Variants in GPR179 observed in about 807,000 individuals in gnomAD.
The protein encoded by GPR179 is probable G protein-coupled receptor 179.
In GPR179, 52 loss-of-function variants were observed where a neutral mutation model predicts 70.8. The observed-to-expected ratio is 0.73, with a 90% confidence interval of 0.59 to 0.93. The LOEUF is 0.93. Ranked by LOEUF, GPR179 falls within the 40% of genes least tolerant of loss-of-function variation. The probability of loss-of-function intolerance (pLI) is 0.00; values close to 1 mark genes in which losing one functional copy is unlikely to be tolerated. For synonymous variants in GPR179, 1,123 were observed against 1,169.0 expected (o/e 0.96, Z 0.80); for missense variants, 2,734 against 2,966.8 (o/e 0.92, Z 1.82).
chr17:38,335,064 G>A lies in GPR179; in HGVS notation c.1614C>T (p.His538=). ...TPSGRHFYLC[H]HDRWDYIMVV... ...CCATGATGTAGTCCCAGCGGTCGTG[G>A]TGACAGAGGTAGAAATGGCGGCCAC... Residue 538 remains histidine (H), a synonymous_variant, in exon 7 of 11, where the codon CAC becomes CAT. Transcript: ENST00000616987. 2 of 1,613,726 alleles carry A rather than the reference G, an allele frequency of 1.2e-6. No homozygotes were observed. Among genetic ancestry groups the A allele is most frequent in the Non-Finnish European group, 1.7e-6 (2 of 1,179,932 alleles).
In GPR179 at chr17:38,329,253, G is replaced by A; in HGVS notation, c.4316C>T (p.Ser1439Leu). The A allele has an allele frequency of 6.2e-7, 1 of 1,613,650 alleles. No homozygotes were observed. The highest frequency in any genetic ancestry group is 1.1e-5 in the South Asian group (1 of 91,006). Residue 1439 changes from serine to leucine, a missense_variant, in exon 11 of 11, where the codon TCA (serine) becomes TTA (leucine). By Grantham distance (145) the Ser-to-Leu change is moderately radical. Coordinates refer to ENST00000616987, the MANE Select transcript of GPR179 (RefSeq NM_001004334.4). ...PWESTDFRGP[S>L]AVSIQAPGSS... ...TCCTGGGGCCTGAATTGAGACTGCT[G>A]AGGGGCCCCGGAAATCTGTACTCTC...
Position 38,330,892 on chromosome 17 carries a change from G to A in GPR179, c.2677C>T (p.Arg893Trp), listed in dbSNP as rs757293863. Residue 893 changes from arginine (R) to tryptophan (W), a missense_variant, in exon 11 of 11, where the codon CGG becomes TGG. By Grantham distance (101) the Arg-to-Trp change is moderately radical. Transcript: ENST00000616987. Reference sequence around the variant, plus strand: ...GCTGACAGGGGGGCCCCTCGAGGCCGCTCCAGCCTCCTGGCTGATGGCCTC... The same window carrying A: ...GCTGACAGGGGGGCCCCTCGAGGCCACTCCAGCCTCCTGGCTGATGGCCTC... ...VRRPSARRLE[R>W]PRGAPLSAPP... 8 of 1,602,380 alleles carry A rather than the reference G, an allele frequency of 5.0e-6. No homozygotes were observed. The highest frequency in any genetic ancestry group is 2.2e-5 in the East Asian group (1 of 44,470).
At position 38,325,393 on chromosome 17, in the gene GPR179, TTTC is replaced by T. The variant is rs957130888; in HGVS notation, c.*1069_*1071del. ...AGTGCTGGCTGTGTACAGGACTGCC[TTTC>T]TTGAGCTCCTCTGGAAGGAGATTGA... On this transcript the variant is annotated 3_prime_UTR_variant, in exon 11 of 11. Transcript: ENST00000616987. 3.3e-5 allele frequency: 5 copies of T among 151,840 alleles called. No individual in the cohort carries two copies. Among genetic ancestry groups the T allele is most frequent in the Admixed American group, 3.3e-4 (5 of 15,222 alleles). The allele number at this position is 151,840 out of a possible 1,614,324, so 9.4% of individuals were successfully genotyped here.
In GPR179 at chr17:38,324,964, G is replaced by A. The variant is rs538358234; in HGVS notation, c.*1501C>T. 2.6e-5 allele frequency among the ~76,000 whole-genome samples: 4 copies of A among 151,886 alleles called. No individual in the cohort carries two copies. The highest frequency in any genetic ancestry group is 5.9e-5 in the Non-Finnish European group (4 of 67,990). ...ATGTTAATGGCTCTTTTTCCCTTTG[G>A]GTATTTGGTCTCCCTGTTTGTCTTT... On this transcript the variant is annotated 3_prime_UTR_variant, in exon 11 of 11. Coordinates refer to ENST00000616987, the MANE Select transcript of GPR179 (RefSeq NM_001004334.4).
chr17:38,330,934 T>C lies in GPR179; in HGVS notation c.2635A>G (p.Met879Val). The C allele has an allele frequency of 1.9e-6, 3 of 1,609,910 alleles. No homozygotes were observed. Among genetic ancestry groups the C allele is most frequent in the African/African-American group, 1.3e-5 (1 of 75,026 alleles). ...GATGGCCTCCGCACCAGGCTGGCCA[T>C]GGCTGCCTTGGCCTTCTTCCGCTCC... ...REERKKAKAA[M>V]ASLVRRPSAR... Residue 879 changes from methionine to valine, a missense_variant, in exon 11 of 11, where the codon ATG becomes GTG. Transcript: ENST00000616987.
At position 38,337,723 on chromosome 17, in the gene GPR179, A is replaced by G. The variant is rs750492952; in HGVS notation, c.904-3T>C. ...CCCTGACTCTCCAGGGGGACACACT[A>G]TGGGGACAACAAACACAGTATGTGT... On this transcript the variant is annotated splice_region_variant and splice_polypyrimidine_tract_variant and intron_variant, in intron 2 of 10. Coordinates refer to ENST00000616987, the MANE Select transcript of GPR179 (RefSeq NM_001004334.4). 19 of 1,611,680 alleles carry G rather than the reference A, an allele frequency of 1.2e-5. No individual in the cohort carries two copies. Among genetic ancestry groups the G allele is most frequent in the South Asian group, 5.5e-5 (5 of 90,934 alleles).
Position 38,328,401 on chromosome 17 carries a change from GC to G in GPR179, c.5167del (p.Ala1723ProfsTer57), listed in dbSNP as rs769874077. On this transcript the variant is annotated frameshift_variant, in exon 11 of 11. Coordinates refer to ENST00000616987, the MANE Select transcript of GPR179 (RefSeq NM_001004334.4). LOFTEE classifies it low-confidence loss of function (END_TRUNC). ...TGTATCATTTGGAGATTTCCTAATG[GC>G]CTCAGCTCCCAAAGCCCTTTCCTCC... The part of the protein sequence containing the change: ...AGEERALGAE[A>X]IRKSPNDTGK... The G allele has an allele frequency of 4.3e-6, 7 of 1,612,332 alleles. No individual in the cohort carries two copies. Among genetic ancestry groups the G allele is most frequent in the Non-Finnish European group, 5.9e-6 (7 of 1,179,558 alleles).
chr17:38,325,317 G>A lies in GPR179; in HGVS notation c.*1148C>T, dbSNP rs2037275820. 6.6e-6 allele frequency among the ~76,000 whole-genome samples: 1 copy of A among 152,170 alleles called. No homozygotes were observed. The highest frequency in any genetic ancestry group is 2.4e-5 in the African/African-American group (1 of 41,420). ...CACAGTGCCCTTTTCCCAGCTCTCA[G>A]GCTTCTAACTTGCCCTGTAGCACTC... On this transcript the variant is annotated 3_prime_UTR_variant, in exon 11 of 11. Coordinates refer to ENST00000616987, the MANE Select transcript of GPR179 (RefSeq NM_001004334.4).
At position 38,329,552 on chromosome 17, in the gene GPR179, G is replaced by A; in HGVS notation, c.4017C>T (p.Asp1339=). 6.2e-7 allele frequency: 1 copy of A among 1,613,886 alleles called. No homozygotes were observed. Among genetic ancestry groups the A allele is most frequent in the Non-Finnish European group, 8.5e-7 (1 of 1,179,998 alleles). ...GGLSPGSAPQ[D]PGRIRDKSEA... is the part of the protein sequence containing the mutation. ...CAGATTTGTCTCTGATTCTGCCAGG[G>A]TCCTGAGGAGCTGACCCAGGGGACA... is the stretch of plus-strand genomic sequence containing the variant. The change falls in exon 11 of 11, where the codon GAC becomes GAT. Residue 1339 remains aspartate (D), a synonymous_variant. Coordinates refer to ENST00000616987, the MANE Select transcript of GPR179 (RefSeq NM_001004334.4).
rs760635074 is a variant in GPR179, at chr17:38,326,184, C to A, written c.*281G>T. The A allele has an allele frequency of 2.5e-6, 1 of 405,258 alleles. No individual in the cohort carries two copies. Among genetic ancestry groups the A allele is most frequent in the Non-Finnish European group, 4.4e-6 (1 of 228,104 alleles). 25.1% of individuals were successfully genotyped at this position (405,258 alleles called of 1,614,324 possible). ...ACTCGGGTGGTTTGTGTTGTGAGTA[C>A]TGTAGGTGGATGGGAGGCGTCCTTA... On this transcript the variant is annotated 3_prime_UTR_variant, in exon 11 of 11. Transcript: ENST00000616987.
At position 38,327,683 on chromosome 17, in the gene GPR179, G is replaced by A; in HGVS notation, c.5886C>T (p.Thr1962=). ...HELQSVCPWE[T]TAPADSVSHL... is the part of the protein sequence containing the mutation. ...GAGAGACGGAATCTGCTGGGGCAGT[G>A]GTCTCCCATGGACAGACGGATTGTA... Residue 1962 remains threonine (T), a synonymous_variant, in exon 11 of 11, where the codon ACC becomes ACT. Transcript: ENST00000616987. 2.5e-6 allele frequency: 4 copies of A among 1,614,204 alleles called. No homozygotes were observed. In the South Asian group the frequency reaches 3.3e-5, roughly 13 times the overall value.
At position 38,327,502 on chromosome 17, in the gene GPR179, C is replaced by T. The variant is rs1376048701; in HGVS notation, c.6067G>A (p.Val2023Met). Residue 2023 changes from valine (V) to methionine (M), a missense_variant, in exon 11 of 11, where the codon GTG becomes ATG. Physicochemically the swap from Val to Met is conservative, Grantham distance 21. Coordinates refer to ENST00000616987, the MANE Select transcript of GPR179 (RefSeq NM_001004334.4). Reference protein sequence around the residue: ...SAKAETCPWEVTERIPVKGVS... With the variant: ...SAKAETCPWEMTERIPVKGVS... Reference sequence around the variant, plus strand: ...CCTTTGACAGGGATTCTTTCAGTCACTTCCCAGGGACAGGTCTCAGCCTTG... The same window carrying T: ...CCTTTGACAGGGATTCTTTCAGTCATTTCCCAGGGACAGGTCTCAGCCTTG... 6.2e-7 allele frequency: 1 copy of T among 1,614,238 alleles called. No homozygotes were observed. The highest frequency in any genetic ancestry group is 8.5e-7 in the Non-Finnish European group (1 of 1,180,050).
Position 38,337,614 on chromosome 17 carries a change from C to T in GPR179, c.991+19G>A, listed in dbSNP as rs1408721550. 5 of 1,599,780 alleles carry T rather than the reference C, an allele frequency of 3.1e-6. No individual in the cohort carries two copies. In the Admixed American group the frequency reaches 8.6e-5, roughly 27 times the overall value. ...CTCTCATGTAAAACACATGCCTGGC[C>T]CCCACCACACTTACATACCCCCAGA... On this transcript the variant is annotated intron_variant, in intron 3 of 10. Coordinates refer to ENST00000616987, the MANE Select transcript of GPR179 (RefSeq NM_001004334.4).
Position 38,326,936 on chromosome 17 carries a change from T to C in GPR179, c.6633A>G (p.Ala2211=). Residue 2211 remains alanine (A), a synonymous_variant, in exon 11 of 11, where the codon GCA becomes GCG. Transcript: ENST00000616987. ...CTGCCATCCTGCTTCCCATGCTGCC[T>C]GCTTCCTTGGGGCTGACTTTGAGTT... The part of the protein sequence containing the change: ...DPELKVSPKE[A]GSMGSRMAEL... 1.2e-6 allele frequency: 2 copies of C among 1,614,190 alleles called. No homozygotes were observed. The highest frequency in any genetic ancestry group is 1.7e-6 in the Non-Finnish European group (2 of 1,180,026).
At chr17:38,339,222 G>C (rs976534286) in intron 2 of GPR179, 195 bp downstream of exon 2, 2 of 530,910 alleles carry the variant, frequency 3.8e-6, no homozygotes, top group Non-Finnish European at 6.6e-6. Flanking sequence ...ATAGGGGGTG[G>C]GGGGGCAGGC....
chr17:38,339,981 A>G (rs1165500109), intron 1 of GPR179, among the ~76,000 whole-genome samples: 2 of 152,360 alleles, frequency 1.3e-5, no homozygotes, highest in East Asian at 3.9e-4. Flanking sequence ...CTACATAGAC[A>G]GGCCAAGAGG....
Position 38,331,186 on chromosome 17 carries a change from C to G in GPR179, c.2383G>C (p.Ala795Pro). 1 of 1,608,202 alleles carries G rather than the reference C, an allele frequency of 6.2e-7. No homozygotes were observed. The highest frequency in any genetic ancestry group is 1.1e-5 in the South Asian group (1 of 90,330). ...LLDSLLRRKL[A>P]KKASRTESRE... is the part of the protein sequence containing the mutation. Reference sequence around the variant, plus strand: ...CTCTCTGTTCGAGAGGCCTTCTTGGCCAGCTTCCTCCTCAGCAGTGAGTCA... The same window carrying G: ...CTCTCTGTTCGAGAGGCCTTCTTGGGCAGCTTCCTCCTCAGCAGTGAGTCA... Residue 795 changes from alanine to proline, a missense_variant, in exon 11 of 11, where the codon GCC becomes CCC. Ala to Pro is a conservative substitution (Grantham distance 27). Transcript: ENST00000616987.
Position 38,327,615 on chromosome 17 carries a change from T to C in GPR179, c.5954A>G (p.Gln1985Arg). The C allele has an allele frequency of 6.2e-7, 1 of 1,614,248 alleles. No individual in the cohort carries two copies. The highest frequency in any genetic ancestry group is 8.5e-7 in the Non-Finnish European group (1 of 1,180,038). Residue 1985 changes from glutamine (Q) to arginine (R), a missense_variant, in exon 11 of 11, where the codon CAG becomes CGG. Physicochemically the swap from Gln to Arg is conservative, Grantham distance 43 (BLOSUM62 1). Transcript: ENST00000616987. ...CCTGCCCCCAGTGCTGACCAGTCTC[T>C]GGGAGCTAGCTTTAGGTTGGTCAGG... The part of the protein sequence containing the change: ...QRPDQPKASS[Q>R]RLVSTGGRAA...
Position 38,334,170 on chromosome 17 carries a change from G to T in GPR179, c.1785-132C>A. ...ACGAGGGGGCATTCTGCCCTCTCCT[G>T]CCCTCTCCAGGATTTAGGTCCCACT... On this transcript the variant is annotated intron_variant, in intron 8 of 10. Transcript: ENST00000616987. The surrounding 1 kb of genome is among the most constrained non-coding windows in gnomAD (Gnocchi z 4.7). The T allele has an allele frequency of 1.4e-6, 1 of 699,402 alleles. No individual in the cohort carries two copies. The highest frequency in any genetic ancestry group is 2.6e-6 in the Non-Finnish European group (1 of 389,088). 43.3% of individuals were successfully genotyped at this position (699,402 alleles called of 1,614,324 possible).
Sources: gnomAD v4.1 joint callset for allele counts (sites outside exome capture counted in the v4.1 genomes callset) on GRCh38, gnomAD v4.1.1 for gene constraint, Gnocchi (gnomAD v3.1) non-coding constraint, MANE v1.5 for transcripts, NCBI Gene and HGNC (gene_info 2026-07-23, HGNC 2026-07-21) for gene names.